PLBD1: variants seen among roughly 807,000 people sequenced by gnomAD.
PLBD1 encodes lysosomal leucine aminopeptidase.
A neutral mutation model predicts 63.0 loss-of-function variants in PLBD1; 60 were observed. That is an observed-to-expected ratio of 0.95 (90% confidence interval 0.77 to 1.18). PLBD1 has a LOEUF of 1.18. Among genes scored for constraint, PLBD1 ranks in the 50% most tolerant of loss-of-function variants. The pLI is 0.00. For missense variants in PLBD1, 598 were observed against 677.9 expected, an observed-to-expected ratio of 0.88 and a Z score of 1.31; for synonymous variants, 262 against 248.0, an observed-to-expected ratio of 1.06 and a Z score of -0.53.
At chr12:14,513,336 T>A (rs1202952731) in intron 6 of PLBD1, among the ~76,000 whole-genome samples, 2 of 152,252 alleles carry the variant, frequency 1.3e-5, no homozygotes, top group African/African-American at 4.8e-5. Flanking sequence ...CTTACCCTTG[T>A]CATATATCAT....
intron 2 of PLBD1, among the ~76,000 whole-genome samples, chr12:14,550,841 G>T (rs1345826190): frequency 6.6e-6 from 1 of 150,912 alleles, no homozygotes; most frequent in Non-Finnish European, 1.5e-5. Flanking sequence ...TCACGCCATC[G>T]CACTCTAGCC....
intron 6 of PLBD1, among the ~76,000 whole-genome samples, chr12:14,529,327 T>C (rs1294389897): frequency 2.0e-5 from 3 of 151,802 alleles, no homozygotes. Context: ...ACAAAAACCA[T>C]CATAAGAAAA....
chr12:14,537,976 A>T (rs1455139927), intron 4 of PLBD1, among the ~76,000 whole-genome samples: 1 of 151,702 alleles, frequency 6.6e-6, no homozygotes, highest in East Asian at 1.9e-4. Flanking sequence ...GAGTTTTTTG[A>T]TTTTTTTATT....
intron 2 of PLBD1, among the ~76,000 whole-genome samples, chr12:14,550,579 T>C (rs1945649288): frequency 6.6e-6 from 1 of 152,112 alleles, no homozygotes; most frequent in East Asian, 1.9e-4. Flanking sequence ...ACCTCATCTC[T>C]ACTAAAAATA....
chr12:14,512,019 TC>T (rs1473780867), intron 6 of PLBD1, among the ~76,000 whole-genome samples: 1 of 152,096 alleles, frequency 6.6e-6, no homozygotes, highest in Non-Finnish European at 1.5e-5. Flanking sequence ...CAGATGTAGA[TC>T]CCGACTTGCT....
chr12:14,527,298 A>G (rs1945424133), intron 6 of PLBD1, among the ~76,000 whole-genome samples: 1 of 152,206 alleles, frequency 6.6e-6, no homozygotes, highest in Non-Finnish European at 1.5e-5. Context: ...CCAATTTACT[A>G]AAGAACAACA....
rs1447073842 is a variant in PLBD1, at chr12:14,567,650, G to C, written c.47C>G (p.Pro16Arg). ...CAGCAGCAGCAGCAGCAGAAGCGGT[G>C]GCGGCTGTGGCAGCCCCGGGCGCCC... ...PGGRPGLPQP[P>R]PLLLLLLLLP... Residue 16 changes from proline (P) to arginine (R), a missense_variant, in exon 1 of 11, where the codon CCA becomes CGA. By Grantham distance (103) the Pro-to-Arg change is moderately radical (BLOSUM62 -2). Transcript: ENST00000240617. 1 of 1,494,190 alleles carries C rather than the reference G, an allele frequency of 6.7e-7. No individual in the cohort carries two copies. Among genetic ancestry groups the C allele is most frequent in the Non-Finnish European group, 8.8e-7 (1 of 1,130,090 alleles). The allele number at this position is 1,494,190 out of a possible 1,614,324, so 92.6% of individuals were successfully genotyped here. A position where few individuals can be genotyped will look rare whatever the true frequency, so the allele number is the denominator to read the frequency against.
At chr12:14,540,110 T>TATATATATATATATATATATATA (rs1565577674) in intron 4 of PLBD1, among the ~76,000 whole-genome samples, 7 of 91,780 alleles carry the variant, frequency 7.6e-5, no homozygotes, top group Admixed American at 1.4e-4. Context: ...TAAATATTAT[T>TATATATATATATATATATATATA]TATATATATA....
intron 6 of PLBD1, among the ~76,000 whole-genome samples, chr12:14,516,444 A>G (rs1198604132): frequency 1.3e-5 from 2 of 152,338 alleles, no homozygotes; most frequent in East Asian, 3.9e-4. Flanking sequence ...TGGATTCAGT[A>G]TGCTAGGATG....
intron 4 of PLBD1, among the ~76,000 whole-genome samples, chr12:14,540,532 G>A (rs540337601): frequency 1.3e-5 from 2 of 152,104 alleles, no homozygotes; most frequent in Non-Finnish European, 2.9e-5. Flanking sequence ...CCTGAGCCCA[G>A]TATTATGGAA....
At chr12:14,515,006 A>G (rs1171843994) in intron 6 of PLBD1, among the ~76,000 whole-genome samples, 2 of 152,210 alleles carry the variant, frequency 1.3e-5, no homozygotes, top group African/African-American at 4.8e-5. Context: ...TTCTCACTGA[A>G]TTTAATTAAG....
At chr12:14,507,292 A>G (rs1363919649) in intron 8 of PLBD1, among the ~76,000 whole-genome samples, 174 bp from the exon 9 acceptor site, 1 of 152,254 alleles carries the variant, frequency 6.6e-6, no homozygotes, top group Non-Finnish European at 1.5e-5. Flanking sequence ...TGGCAGCCAA[A>G]CAGCCTTTTA....
At chr12:14,566,048 C>T (rs1247225734) in intron 1 of PLBD1, among the ~76,000 whole-genome samples, 1 of 152,152 alleles carries the variant, frequency 6.6e-6, no homozygotes, top group Non-Finnish European at 1.5e-5. Context: ...AGGCTGCCCC[C>T]TCCACCTACA....
At chr12:14,509,112 T>C (rs963216075) in intron 8 of PLBD1, among the ~76,000 whole-genome samples, 4 of 152,030 alleles carry the variant, frequency 2.6e-5, no homozygotes, top group African/African-American at 7.2e-5. Context: ...ATAACACTTA[T>C]GGGGTAGTAT....
At chr12:14,565,264 G>A (rs1266399126) in intron 1 of PLBD1, among the ~76,000 whole-genome samples, 4 of 151,982 alleles carry the variant, frequency 2.6e-5, no homozygotes, top group Admixed American at 1.3e-4. Flanking sequence ...CCAGGAGTTC[G>A]AGACTAGTCT....
chr12:14,513,660 C>A (rs1829230802), intron 6 of PLBD1, among the ~76,000 whole-genome samples: 1 of 152,102 alleles, frequency 6.6e-6, no homozygotes, highest in Admixed American at 6.5e-5. Flanking sequence ...TTATTTCCTT[C>A]TTCTGATAAC....
chr12:14,513,562 A>T (rs939478157), intron 6 of PLBD1, among the ~76,000 whole-genome samples: 1 of 152,176 alleles, frequency 6.6e-6, no homozygotes, highest in Non-Finnish European at 1.5e-5. Flanking sequence ...CGGAGGTAAG[A>T]GCATGGACTG....
intron 1 of PLBD1, among the ~76,000 whole-genome samples, chr12:14,567,018 C>T (rs1346334008): frequency 6.6e-6 from 1 of 151,958 alleles, no homozygotes; most frequent in Non-Finnish European, 1.5e-5. Flanking sequence ...TCGCTTGAAC[C>T]CGGGAGGCGG....
chr12:14,562,429 C>T (rs1294105585), intron 1 of PLBD1, among the ~76,000 whole-genome samples: 2 of 125,760 alleles, frequency 1.6e-5, no homozygotes, highest in African/African-American at 6.0e-5. Flanking sequence ...CACTGCGGTC[C>T]AGCCTGAGTG....
Sources: gnomAD v4.1 joint callset for allele counts (sites outside exome capture counted in the v4.1 genomes callset) on GRCh38, gnomAD v4.1.1 for gene constraint, MANE v1.5 for transcripts, NCBI Gene and HGNC (gene_info 2026-07-23, HGNC 2026-07-21) for gene names.